SYNGR4: variants seen among roughly 807,000 people sequenced by gnomAD.
The protein encoded by SYNGR4 is synaptogyrin 4, also known as synaptogyrin-4.
SYNGR4 carries 15 observed loss-of-function variants against 15.5 expected under a neutral mutation model. The ratio of observed to expected loss-of-function variants is 0.97; its 90% CI spans 0.65 to 1.49. The LOEUF is 1.49. SYNGR4 is among the 40% of genes most tolerant of loss of function. The pLI, the probability that SYNGR4 is intolerant of heterozygous loss-of-function variation, is 0.00. For missense variants in SYNGR4, 292 were observed against 299.3 expected (o/e 0.98, Z 0.18); for synonymous variants, 121 against 127.4 (o/e 0.95, Z 0.34).
chr19:48,366,401 AAAG>A, intron 2 of SYNGR4, among the ~76,000 whole-genome samples: 1 of 151,890 alleles, frequency 6.6e-6, no homozygotes, highest in East Asian at 1.9e-4. Context: ...AAAAAAAAAA[AAAG>A]AAAAAAGAAA....
rs527843867 is a variant in SYNGR4 at position 48,373,860 on chromosome 19, C to G, written c.331+106C>G. 4.4e-6 allele frequency: 5 copies of G among 1,141,690 alleles called. No individual in the cohort carries two copies. In the Admixed American group the frequency reaches 8.9e-5, roughly 20 times the overall value. The allele number at this position is 1,141,690 out of a possible 1,614,324, so 70.7% of individuals were successfully genotyped here. Reference sequence around the variant, plus strand: ...CAACCCTTCACCACCTAGCCGGCCTCCACCCTGACTGTCCTCCCAGTAGGA... The same window carrying G: ...CAACCCTTCACCACCTAGCCGGCCTGCACCCTGACTGTCCTCCCAGTAGGA... On this transcript the variant is annotated intron_variant, in intron 3 of 4. Coordinates refer to ENST00000344846, the MANE Select transcript of SYNGR4 (RefSeq NM_012451.4).
In SYNGR4 at chr19:48,365,776, TGCCCAGCAGGCAGC is replaced by T. The variant is rs1326882204; in HGVS notation, c.-58_-45del. ...CTGGCCTGAAGCCCCCGGACGGCAG[TGCCCAGCAGGCAGC>T]GCCCAGCACCCTGGCTCCCACCTCC... On this transcript the variant is annotated 5_prime_UTR_variant, in exon 2 of 5. Transcript: ENST00000344846. The T allele has an allele frequency of 4.5e-6, 7 of 1,563,898 alleles. 1 individual carries two copies. The African/African-American group carries it at 5.4e-5, about 12-fold the overall frequency.
At chr19:48,373,434 G>A (rs1310496864) in intron 2 of SYNGR4, 83 bp from the exon 3 acceptor site, 12 of 1,221,808 alleles carry the variant, frequency 9.8e-6, no homozygotes, top group South Asian at 3.8e-5. Flanking sequence ...CTGGGTATAC[G>A]GAAAGACCGA....
rs1228585261 is a variant in SYNGR4 at position 48,373,618 on chromosome 19, C to G, written c.195C>G (p.Ala65=). 1 of 1,613,882 alleles carries G rather than the reference C, an allele frequency of 6.2e-7. No homozygotes were observed. Among genetic ancestry groups the G allele is most frequent in the East Asian group, 2.2e-5 (1 of 44,886 alleles). Residue 65 remains alanine (A), a synonymous_variant, in exon 3 of 5, where the codon GCC becomes GCG. Coordinates refer to ENST00000344846, the MANE Select transcript of SYNGR4 (RefSeq NM_012451.4). ...GCATTCTCAACAGCAACAGCGTGGC[C>G]TGCAGCTTTGCCGTGGGAGCCGGCT... ...LHCILNSNSV[A]CSFAVGAGFL...
In SYNGR4 at chr19:48,376,276, C is replaced by A. The variant is rs149839356; in HGVS notation, c.663C>A (p.Thr221=). The change falls in exon 5 of 5, where the codon ACC becomes ACA. Residue 221 remains threonine (T), a synonymous_variant. Coordinates refer to ENST00000344846, the MANE Select transcript of SYNGR4 (RefSeq NM_012451.4). ...GCTCTGCCCTGTCCCCCTGTCTGAC[C>A]GCTCCAAAGTCCCCCCGGCTTGCTA... ...YASSALSPCL[T]APKSPRLAMM... 10 of 1,613,140 alleles carry A rather than the reference C, an allele frequency of 6.2e-6. No individual in the cohort carries two copies. The African/African-American group carries it at 1.3e-4, about 22-fold the overall frequency.
chr19:48,368,046 A>G (rs1343398263), intron 2 of SYNGR4, among the ~76,000 whole-genome samples: 1 of 152,228 alleles, frequency 6.6e-6, no homozygotes, highest in Non-Finnish European at 1.5e-5. Flanking sequence ...GAGAAGGAAC[A>G]AACAGGCCTG....
At chr19:48,369,769 T>C (rs894453562) in intron 2 of SYNGR4, among the ~76,000 whole-genome samples, 1 of 152,180 alleles carries the variant, frequency 6.6e-6, no homozygotes, top group Non-Finnish European at 1.5e-5. Flanking sequence ...GTAAAATGAA[T>C]ATGGGCTCAA....
chr19:48,367,210 A>G (rs1970236407), intron 2 of SYNGR4, among the ~76,000 whole-genome samples: 1 of 151,496 alleles, frequency 6.6e-6, no homozygotes, highest in South Asian at 2.1e-4. Flanking sequence ...AGGCGGGCGG[A>G]TCGTGAGGTG....
At chr19:48,373,212 C>G in intron 2 of SYNGR4, 3 of 374,896 alleles carry the variant, frequency 8.0e-6, no homozygotes, top group South Asian at 6.0e-5. Flanking sequence ...CAGGGAGGGG[C>G]AGGGTGTGGA....
chr19:48,371,072 C>T lies in SYNGR4; in HGVS notation c.94-2445C>T, dbSNP rs567645652. Among the ~76,000 whole-genome samples the T allele has an allele frequency of 5.5e-4, 83 of 152,284 alleles. 1 individual carries two copies. Among genetic ancestry groups the T allele is most frequent in the African/African-American group, 1.8e-3 (73 of 41,558 alleles). On this transcript the variant is annotated intron_variant, in intron 2 of 4. Transcript: ENST00000344846. The stretch of plus-strand genomic sequence containing the variant: ...AGTCCGGCTCCTGGCCCTGGTGTTC[C>T]GGGCCTCTTAGAGCCTGGCTCCCAC...
intron 3 of SYNGR4, among the ~76,000 whole-genome samples, chr19:48,375,336 T>C (rs1201300197): frequency 6.6e-6 from 1 of 152,070 alleles, no homozygotes; most frequent in Non-Finnish European, 1.5e-5. Flanking sequence ...TAAAATCCTG[T>C]GTTAATGAAT....
intron 2 of SYNGR4, among the ~76,000 whole-genome samples, chr19:48,366,141 G>T (rs1448833558): frequency 3.3e-5 from 5 of 152,154 alleles, no homozygotes; most frequent in African/African-American, 1.2e-4. Flanking sequence ...TCATAGTAAG[G>T]AACAGCCCTC....
chr19:48,374,158 A>T (rs1358488837), intron 3 of SYNGR4, among the ~76,000 whole-genome samples: 1 of 146,828 alleles, frequency 6.8e-6, no homozygotes, highest in Non-Finnish European at 1.5e-5. Flanking sequence ...GCTCACTGCA[A>T]CCTCCGCCTC....
At chr19:48,369,548 C>A (rs1365738009) in intron 2 of SYNGR4, among the ~76,000 whole-genome samples, 1 of 152,210 alleles carries the variant, frequency 6.6e-6, no homozygotes, top group East Asian at 1.9e-4. Context: ...CCTACCCCCA[C>A]ATTCCTCCTT....
chr19:48,375,881 C>A, intron 4 of SYNGR4, 129 bp downstream of exon 4: 4 of 1,517,016 alleles, frequency 2.6e-6, no homozygotes, highest in Non-Finnish European at 3.5e-6. Flanking sequence ...TCCCCCAGGA[C>A]TCCACTGGTC....
intron 2 of SYNGR4, among the ~76,000 whole-genome samples, chr19:48,372,720 C>T (rs1161093495): frequency 2.6e-5 from 4 of 152,014 alleles, no homozygotes; most frequent in South Asian, 2.1e-4. Flanking sequence ...AACAAAATCC[C>T]GAAGCCAAAA....
chr19:48,372,569 GA>G (rs1360686175), intron 2 of SYNGR4, among the ~76,000 whole-genome samples: 1 of 151,782 alleles, frequency 6.6e-6, no homozygotes, highest in Non-Finnish European at 1.5e-5. Flanking sequence ...AGAATGGCGT[GA>G]ACCCCGGGGG....
intron 4 of SYNGR4, 158 bp downstream of exon 4, chr19:48,375,910 C>T: frequency 6.6e-7 from 1 of 1,511,378 alleles, no homozygotes. Flanking sequence ...GTGCCGCTTC[C>T]TCTGAGCAGC....
intron 2 of SYNGR4, among the ~76,000 whole-genome samples, chr19:48,369,827 C>A (rs1970278078): frequency 2.0e-5 from 3 of 152,196 alleles, no homozygotes; most frequent in African/African-American, 7.2e-5. Context: ...TGCCTCAGAC[C>A]AGCAGGGCCA....
Sources: allele counts gnomAD v4.1 joint callset (sites outside exome capture counted in the v4.1 genomes callset), GRCh38; gene constraint gnomAD v4.1.1; transcripts MANE v1.5; gene names NCBI Gene and HGNC (gene_info 2026-07-23, HGNC 2026-07-21).